Variants in SLC9A9 observed in about 807,000 individuals in gnomAD.
SLC9A9 encodes the protein solute carrier family 9 member A9, also known as sodium/hydrogen exchanger 9.
SLC9A9 carries 62 observed loss-of-function variants against 77.8 expected under a neutral mutation model. That is an observed-to-expected ratio of 0.80 (90% CI 0.65 to 0.98). The LOEUF (loss-of-function observed/expected upper bound fraction) is 0.98, where lower values mean the gene tolerates loss of function less well. Among genes scored for constraint, SLC9A9 ranks in the 50% least tolerant of loss-of-function variants. The pLI, the probability that SLC9A9 is intolerant of heterozygous loss-of-function variation, is 0.00. For missense variants in SLC9A9, 775 were observed against 774.9 expected (o/e 1.00, Z 0.00); for synonymous variants, 320 against 283.5 (o/e 1.13, Z -1.29).
At chr3:143,484,499 C>T (rs2035625163) in intron 11 of SLC9A9, among the ~76,000 whole-genome samples, 3 of 152,172 alleles carry the variant, frequency 2.0e-5, no homozygotes. Context: ...AAATACCACC[C>T]TGCGTGTGAT....
chr3:143,664,818 C>A (rs2039036735), intron 5 of SLC9A9, among the ~76,000 whole-genome samples: 1 of 152,182 alleles, frequency 6.6e-6, no homozygotes, highest in Non-Finnish European at 1.5e-5. Context: ...AATACAGGGG[C>A]ACCCAGCTTC....
In SLC9A9 at chr3:143,468,572, A is replaced by G. The variant is rs180937312; in HGVS notation, c.1316-1382T>C. ...GTTTTAGCTATTCTAGTTATTTTGC[A>G]TTTCCATAAAATTTTAGAATAATAT... On this transcript the variant is annotated intron_variant, in intron 11 of 15. Transcript: ENST00000316549. Among the ~76,000 whole-genome samples the G allele has an allele frequency of 2.6e-3, 393 of 152,288 alleles. 1 individual carries two copies. The highest frequency in any genetic ancestry group is 9.2e-3 in the African/African-American group (382 of 41,544).
intron 13 of SLC9A9, chr3:143,381,208 C>A (rs1292609873): frequency 6.6e-6 from 1 of 152,172 alleles, no homozygotes; most frequent in Non-Finnish European, 1.5e-5. Context: ...ATCTTGAATT[C>A]TAACTCCCAC....
intron 14 of SLC9A9, among the ~76,000 whole-genome samples, chr3:143,293,920 G>A (rs962022418): frequency 6.6e-6 from 1 of 152,074 alleles, no homozygotes; most frequent in Non-Finnish European, 1.5e-5. Flanking sequence ...ATTGAATTAG[G>A]AACCAGCGTT....
intron 6 of SLC9A9, among the ~76,000 whole-genome samples, chr3:143,645,399 T>C (rs2038688153): frequency 6.6e-6 from 1 of 152,210 alleles, no homozygotes; most frequent in South Asian, 2.1e-4. Context: ...TAAATCCCTT[T>C]ATAGATATTG....
intron 11 of SLC9A9, among the ~76,000 whole-genome samples, chr3:143,491,691 G>A (rs1477518485): frequency 6.6e-6 from 1 of 152,110 alleles, no homozygotes; most frequent in Non-Finnish European, 1.5e-5. Flanking sequence ...GTGGCCATTT[G>A]GGCAGACACT....
At chr3:143,446,279 G>T (rs1173673490) in intron 12 of SLC9A9, among the ~76,000 whole-genome samples, 3 of 152,040 alleles carry the variant, frequency 2.0e-5, no homozygotes, top group African/African-American at 7.3e-5. Flanking sequence ...TATGGTGGAA[G>T]GTGGAGTTTA....
intron 5 of SLC9A9, among the ~76,000 whole-genome samples, chr3:143,682,524 ATAT>A (rs1256169545): frequency 6.6e-6 from 1 of 152,126 alleles, no homozygotes. Flanking sequence ...ATATTTTATA[ATAT>A]TTAACATTAT....
intron 9 of SLC9A9, among the ~76,000 whole-genome samples, chr3:143,514,160 A>G (rs2036165697): frequency 6.6e-6 from 1 of 151,858 alleles, no homozygotes; most frequent in Admixed American, 6.6e-5. Context: ...CCATGTCCCT[A>G]CAAAGGACAT....
intron 12 of SLC9A9, among the ~76,000 whole-genome samples, chr3:143,464,123 G>T (rs1045822680): frequency 2.0e-5 from 3 of 152,122 alleles, no homozygotes; most frequent in Admixed American, 6.5e-5. Flanking sequence ...AGGGTGTTTG[G>T]GTTCATTCAA....
intron 14 of SLC9A9, among the ~76,000 whole-genome samples, chr3:143,282,261 C>G (rs1356779265): frequency 2.6e-5 from 4 of 152,166 alleles, no homozygotes; most frequent in Admixed American, 6.5e-5. Context: ...CACATACCCC[C>G]CCAAACCCAC....
At chr3:143,314,905 A>G (rs1401536506) in intron 14 of SLC9A9, among the ~76,000 whole-genome samples, 1 of 152,236 alleles carries the variant, frequency 6.6e-6, no homozygotes, top group African/African-American at 2.4e-5. Context: ...GAATTGGTCC[A>G]TCACTGCACT....
chr3:143,651,019 G>T (rs1405516063), intron 6 of SLC9A9, among the ~76,000 whole-genome samples: 1 of 152,216 alleles, frequency 6.6e-6, no homozygotes, highest in Non-Finnish European at 1.5e-5. Context: ...TAGTGGTTTT[G>T]CTTTGCTTGG....
At chr3:143,772,353 T>C (rs1433798193) in intron 4 of SLC9A9, among the ~76,000 whole-genome samples, 1 of 152,100 alleles carries the variant, frequency 6.6e-6, no homozygotes, top group African/African-American at 2.4e-5. Flanking sequence ...CCCAGCATAG[T>C]AAAGCATCAA....
intron 11 of SLC9A9, among the ~76,000 whole-genome samples, chr3:143,480,732 C>G (rs1166517152): frequency 1.3e-5 from 2 of 152,140 alleles, no homozygotes; most frequent in Admixed American, 1.3e-4. Context: ...TGTTAGTGGC[C>G]TTGTACTGGT....
chr3:143,349,084 C>T lies in SLC9A9; in HGVS notation c.1604+14400G>A, dbSNP rs144628455. Among the ~76,000 whole-genome samples the T allele has an allele frequency of 6.7e-3, 1,013 of 152,302 alleles. 6 individuals are homozygous for T. The highest frequency in any genetic ancestry group is 0.011 in the Non-Finnish European group (764 of 68,028). On this transcript the variant is annotated intron_variant, in intron 14 of 15. Transcript: ENST00000316549. Reference sequence around the variant, plus strand: ...CTGACTACAGCCATGGGGACCTATTCGTTCCTCAGTCTCCAACTCTCTGCC... The same window carrying T: ...CTGACTACAGCCATGGGGACCTATTTGTTCCTCAGTCTCCAACTCTCTGCC...
At chr3:143,624,099 G>A (rs1306085161) in intron 6 of SLC9A9, among the ~76,000 whole-genome samples, 1 of 151,958 alleles carries the variant, frequency 6.6e-6, no homozygotes, top group South Asian at 2.1e-4. Context: ...CCAATAACAG[G>A]CTCTGAAATT....
chr3:143,806,869 A>G (rs1441349394), intron 2 of SLC9A9, among the ~76,000 whole-genome samples: 1 of 152,176 alleles, frequency 6.6e-6, no homozygotes, highest in Non-Finnish European at 1.5e-5. Context: ...ATTAACTAAA[A>G]GTATGATTGG....
chr3:143,543,663 TA>T (rs1453340642), intron 9 of SLC9A9, among the ~76,000 whole-genome samples: 4 of 152,178 alleles, frequency 2.6e-5, no homozygotes, highest in Non-Finnish European at 5.9e-5. Flanking sequence ...GTTCCTGTGT[TA>T]ATTTGCTTAG....
Sources: allele counts gnomAD v4.1 joint callset (sites outside exome capture counted in the v4.1 genomes callset), GRCh38; gene constraint gnomAD v4.1.1; transcripts MANE v1.5; gene names NCBI Gene and HGNC (gene_info 2026-07-23, HGNC 2026-07-21).